Variants in LGSN observed in about 807,000 individuals in gnomAD.
LGSN encodes lengsin, lens protein with glutamine synthetase domain.
Under a neutral mutation model 19.5 loss-of-function variants are expected in LGSN, and 21 were observed. The ratio of observed to expected loss-of-function variants is 1.07; its 90% confidence interval spans 0.76 to 1.55. LGSN has a LOEUF of 1.55. LGSN is among the 40% of genes most tolerant of loss of function. The pLI is 0.00. For missense variants in LGSN, 673 were observed against 608.5 expected (o/e 1.11, Z -1.12); for synonymous variants, 257 against 215.6 (o/e 1.19, Z -1.68).
chr6:63,478,919 T>C, the LGSN span, among the ~76,000 whole-genome samples: 1 of 152,238 alleles, frequency 6.6e-6, no homozygotes, highest in African/African-American at 2.4e-5. Context: ...ACAACCTTCA[T>C]GATACCACAG....
the LGSN span, among the ~76,000 whole-genome samples, chr6:63,527,426 T>A: frequency 6.6e-6 from 1 of 152,200 alleles, no homozygotes; most frequent in African/African-American, 2.4e-5. Flanking sequence ...AATAGTCATC[T>A]ACTATTTGAT....
At chr6:63,384,126 C>G in the LGSN span, among the ~76,000 whole-genome samples, 1 of 152,196 alleles carries the variant, frequency 6.6e-6, no homozygotes, top group African/African-American at 2.4e-5. Context: ...ATTGTGCACA[C>G]CAGTTGGCTG....
At chr6:63,564,373 C>T in the LGSN span, among the ~76,000 whole-genome samples, 12 of 151,886 alleles carry the variant, frequency 7.9e-5, no homozygotes, top group African/African-American at 1.9e-4. Flanking sequence ...TAGAAATACA[C>T]GAAGATAGCA....
the LGSN span, among the ~76,000 whole-genome samples, chr6:63,399,958 G>T: frequency 7.9e-5 from 12 of 152,154 alleles, no homozygotes; most frequent in African/African-American, 2.7e-4. Flanking sequence ...TCCCACTTCA[G>T]CCTCCCAATA....
At chr6:63,422,670 G>A in the LGSN span, among the ~76,000 whole-genome samples, 7 of 151,774 alleles carry the variant, frequency 4.6e-5, no homozygotes, top group East Asian at 3.9e-4. Flanking sequence ...AGATACACAC[G>A]AAAATACTAT....
the LGSN span, among the ~76,000 whole-genome samples, chr6:63,475,666 T>C: frequency 6.6e-6 from 1 of 152,186 alleles, no homozygotes; most frequent in Non-Finnish European, 1.5e-5. Context: ...CTGACTGATA[T>C]ACCAAAAACA....
the LGSN span, among the ~76,000 whole-genome samples, chr6:63,529,864 A>G: frequency 1.3e-5 from 2 of 152,182 alleles, no homozygotes; most frequent in African/African-American, 4.8e-5. Context: ...AAAATTATCA[A>G]TTAGGTGTAA....
the LGSN span, among the ~76,000 whole-genome samples, chr6:63,448,931 A>T: frequency 6.6e-6 from 1 of 152,212 alleles, no homozygotes; most frequent in South Asian, 2.1e-4. Flanking sequence ...AAAAAATACA[A>T]ATTTTTAAGT....
chr6:63,290,487 T>C (rs1459285141), intron 2 of LGSN, among the ~76,000 whole-genome samples: 7 of 152,242 alleles, frequency 4.6e-5, no homozygotes, highest in Non-Finnish European at 8.8e-5. Context: ...GTTTAGAAAC[T>C]TTTTTGAAAT....
the LGSN span, among the ~76,000 whole-genome samples, chr6:63,522,060 A>G: frequency 6.6e-6 from 1 of 152,326 alleles, no homozygotes; most frequent in South Asian, 2.1e-4. Flanking sequence ...GCTTTGCCAG[A>G]TACTGTTTCA....
At chr6:63,495,246 A>C in the LGSN span, among the ~76,000 whole-genome samples, 1 of 152,100 alleles carries the variant, frequency 6.6e-6, no homozygotes, top group African/African-American at 2.4e-5. Flanking sequence ...TATATCATTC[A>C]ATCCCACATT....
At chr6:63,421,563 A>G in the LGSN span, among the ~76,000 whole-genome samples, 3 of 152,118 alleles carry the variant, frequency 2.0e-5, no homozygotes, top group Admixed American at 6.6e-5. Context: ...CCTCGTCTCT[A>G]CTAAAAATAC....
the LGSN span, among the ~76,000 whole-genome samples, chr6:63,329,035 G>C: frequency 1.3e-5 from 2 of 152,284 alleles, no homozygotes; most frequent in East Asian, 3.9e-4. Context: ...GGCAAAGCTG[G>C]GCCTTCGACC....
At chr6:63,451,121 A>C in the LGSN span, among the ~76,000 whole-genome samples, 5 of 152,366 alleles carry the variant, frequency 3.3e-5, no homozygotes, top group Middle Eastern at 3.4e-3. Context: ...AAATGAAAAA[A>C]ATCATACACT....
the LGSN span, among the ~76,000 whole-genome samples, chr6:63,377,559 A>G: frequency 6.6e-6 from 1 of 152,206 alleles, no homozygotes; most frequent in Non-Finnish European, 1.5e-5. Context: ...ACGTAAACCT[A>G]GAAGATCAAA....
At chr6:63,572,502 C>T in the LGSN span, 1 of 390,368 alleles carries the variant, frequency 2.6e-6, no homozygotes, top group African/African-American at 2.1e-5. Flanking sequence ...GTATTGGCTC[C>T]TTCGGCTGCG....
chr6:63,503,539 T>C, the LGSN span, among the ~76,000 whole-genome samples: 12 of 152,330 alleles, frequency 7.9e-5, no homozygotes, highest in South Asian at 4.1e-4. Flanking sequence ...AGGTGTCTGA[T>C]TGGCCTGGTT....
the LGSN span, among the ~76,000 whole-genome samples, chr6:63,509,167 C>G: frequency 6.6e-6 from 1 of 151,190 alleles, no homozygotes; most frequent in African/African-American, 2.4e-5. Context: ...TAGGTTCAAG[C>G]GATTCTTGAG....
At chr6:63,480,442 A>G in the LGSN span, 1 of 179,866 alleles carries the variant, frequency 5.6e-6, no homozygotes, top group East Asian at 1.5e-4. Flanking sequence ...ACATTTATCT[A>G]TTTGGATTTG....
Sources: gnomAD v4.1 joint callset for allele counts (sites outside exome capture counted in the v4.1 genomes callset) on GRCh38, gnomAD v4.1.1 for gene constraint, MANE v1.5 for transcripts, NCBI Gene and HGNC (gene_info 2026-07-23, HGNC 2026-07-21) for gene names.